EFHB: variants seen among roughly 807,000 people sequenced by gnomAD.
EFHB encodes the protein EF-hand domain-containing family member B.
In EFHB, 91 loss-of-function variants were observed where a neutral mutation model predicts 87.2. The observed-to-expected ratio is 1.04, with a 90% confidence interval of 0.88 to 1.24. The LOEUF is 1.24. Ranked by LOEUF, EFHB falls within the 50% of genes most tolerant of loss-of-function variation. The pLI, the probability that EFHB is intolerant of heterozygous loss-of-function variation, is 0.00. For missense variants in EFHB, 1,084 were observed against 998.8 expected, an observed-to-expected ratio of 1.09 and a Z score of -1.15; for synonymous variants, 325 against 333.6, an observed-to-expected ratio of 0.97 and a Z score of 0.28.
Position 19,933,529 on chromosome 3 carries a change from C to A in EFHB, c.490G>T (p.Val164Phe). ...TCCATTTCCTGTCTTGGTTCCATAA[C>A]GAAAGCAGGCTTTCCCACTAATTCC... is the stretch of plus-strand genomic sequence containing the variant. ...VEELVGKPAF[V>F]MEPRQEMEKE... Residue 164 changes from valine to phenylalanine, a missense_variant, in exon 1 of 13, where the codon GTT becomes TTT. Physicochemically the swap from Val to Phe is conservative, Grantham distance 50. Transcript: ENST00000295824. 1.2e-6 allele frequency: 2 copies of A among 1,613,998 alleles called. No individual in the cohort carries two copies. Among genetic ancestry groups the A allele is most frequent in the South Asian group, 1.1e-5 (1 of 91,088 alleles).
At chr3:19,944,106 C>T (rs533916627) in intron 1 of EFHB, among the ~76,000 whole-genome samples, 7 of 152,304 alleles carry the variant, frequency 4.6e-5, no homozygotes, top group East Asian at 3.9e-4. Flanking sequence ...CTTGCTACTA[C>T]GCCAATGTTA....
rs150245039 is a variant in EFHB at position 19,920,550 on chromosome 3, T to C, written c.807A>G (p.Pro269=). Residue 269 remains proline (P), a synonymous_variant, in exon 2 of 13, where the codon CCA becomes CCG. Transcript: ENST00000295824. ...AGCAGGTTGCAACTCTGTAACCAAC[T>C]GGAATAACTTTTCCTGCCTTTGGGG... is the stretch of plus-strand genomic sequence containing the variant. ...PCWPSAGKVI[P]VGYRVATCLT... is the part of the protein sequence containing the mutation. The C allele has an allele frequency of 5.9e-4, 946 of 1,601,766 alleles. 3 individuals carry two copies. In the African/African-American group the frequency reaches 0.011, roughly 18 times the overall value.
At chr3:19,929,467 A>G (rs1695750504) in intron 1 of EFHB, among the ~76,000 whole-genome samples, 1 of 152,004 alleles carries the variant, frequency 6.6e-6, no homozygotes, top group Non-Finnish European at 1.5e-5. Context: ...GCACTTTGGG[A>G]GGCTGAGGTG....
At chr3:19,898,448 G>C (rs1694557667) in intron 8 of EFHB, among the ~76,000 whole-genome samples, 1 of 152,110 alleles carries the variant, frequency 6.6e-6, no homozygotes, top group Non-Finnish European at 1.5e-5. Flanking sequence ...TTAGGACTAG[G>C]ACAATATCCA....
chr3:19,882,039 A>ATAAATAAATAAATAAATAAATAAT (rs1217499047), intron 12 of EFHB, among the ~76,000 whole-genome samples: 11 of 141,860 alleles, frequency 7.8e-5, no homozygotes, highest in Admixed American at 7.7e-4. Flanking sequence ...AAATAAATAA[A>ATAAATAAATAAATAAATAAATAAT]TAAATAAATA....
chr3:19,904,956 C>T (rs892196229), intron 6 of EFHB, among the ~76,000 whole-genome samples: 35 of 151,982 alleles, frequency 2.3e-4, no homozygotes, highest in African/African-American at 4.8e-4. Context: ...TAAAATATAA[C>T]GCAGGAAATG....
At chr3:19,925,077 C>T (rs1383694542) in intron 1 of EFHB, among the ~76,000 whole-genome samples, 3 of 151,788 alleles carry the variant, frequency 2.0e-5, no homozygotes, top group Non-Finnish European at 2.9e-5. Context: ...AACATCTCTA[C>T]TAAAAATACA....
At chr3:19,894,989 A>AAAAAATATATATATATATAT (rs369564576) in intron 9 of EFHB, 405 of 144,448 alleles carry the variant, frequency 2.8e-3, no homozygotes, top group African/African-American at 0.01. Flanking sequence ...TGTCTCAAAA[A>AAAAAATATATATATATATAT]ATATATATAT....
At chr3:19,923,719 G>T (rs562854200) in intron 1 of EFHB, among the ~76,000 whole-genome samples, 92 of 152,232 alleles carry the variant, frequency 6.0e-4, no homozygotes, top group Middle Eastern at 3.4e-3. Flanking sequence ...GTTTGAAAGG[G>T]AGGGGCAAAA....
intron 4 of EFHB, among the ~76,000 whole-genome samples, chr3:19,915,635 A>G (rs1029301994): frequency 6.6e-6 from 1 of 152,048 alleles, no homozygotes; most frequent in African/African-American, 2.4e-5. Flanking sequence ...CTCTATTATC[A>G]CTGGCTGGGA....
chr3:19,934,333 CCTCTTCTCTCTCCT>C (rs1179340700), upstream of EFHB: 3 of 1,086,468 alleles, frequency 2.8e-6, no homozygotes, highest in African/African-American at 4.8e-5. Context: ...CTCTCTCTCC[CCTCTTCTCTCTCCT>C]CTGTCTCTCT....
intron 1 of EFHB, 138 bp from the exon 2 acceptor site, chr3:19,920,705 T>G (rs981774956): frequency 4.9e-6 from 3 of 607,696 alleles, no homozygotes; most frequent in Non-Finnish European, 8.5e-6. Context: ...GAAGAACAAA[T>G]AGTAAATGTA....
chr3:19,923,403 T>C (rs1695507086), intron 1 of EFHB, among the ~76,000 whole-genome samples: 1 of 152,176 alleles, frequency 6.6e-6, no homozygotes, highest in Admixed American at 6.5e-5. Context: ...GTCTTCTAGG[T>C]CAGACTGCAG....
At chr3:19,908,259 G>A (rs1160200512) in intron 5 of EFHB, among the ~76,000 whole-genome samples, 3 of 152,072 alleles carry the variant, frequency 2.0e-5, no homozygotes, top group Non-Finnish European at 4.4e-5. Context: ...TCGGCTGGGC[G>A]CAGTGGCTCA....
At chr3:19,905,551 T>TA in intron 6 of EFHB, 69 bp downstream of exon 6, 1 of 1,521,180 alleles carries the variant, frequency 6.6e-7, no homozygotes, top group East Asian at 2.3e-5. Context: ...AAATAAAGTT[T>TA]AAAAATCAAC....
chr3:19,905,637 C>T lies in EFHB; in HGVS notation c.1401G>A (p.Trp467Ter), dbSNP rs754943518. The T allele has an allele frequency of 4.3e-6, 7 of 1,613,420 alleles. No individual in the cohort carries two copies. The highest frequency in any genetic ancestry group is 5.9e-6 in the Non-Finnish European group (7 of 1,179,602). The stretch of plus-strand genomic sequence containing the variant: ...AAACTTACATTTGTAGTTCATGGAG[C>T]CAATATAGAGATTTTGCCATGGCTC... ...DGRAMAKSLYWLHELQMKRGA... is the reference protein window; with the variant it reads ...DGRAMAKSLY Residue 467 changes from tryptophan to a stop codon, truncating the protein, a stop_gained, in exon 6 of 13, where the codon TGG (tryptophan) becomes TGA (stop). Coordinates refer to ENST00000295824, the MANE Select transcript of EFHB (RefSeq NM_144715.4). LOFTEE classifies it high-confidence loss of function.
chr3:19,916,906 T>C (rs1695252074), intron 4 of EFHB, among the ~76,000 whole-genome samples: 1 of 152,230 alleles, frequency 6.6e-6, no homozygotes, highest in Admixed American at 6.5e-5. Context: ...GAACTTCTTT[T>C]TGATATATGA....
chr3:19,932,454 T>G (rs748244739), intron 1 of EFHB, among the ~76,000 whole-genome samples: 3 of 152,232 alleles, frequency 2.0e-5, no homozygotes, highest in Non-Finnish European at 4.4e-5. Flanking sequence ...GCTGGCTGAA[T>G]ACAACTGTTT....
intron 8 of EFHB, 91 bp from the exon 9 acceptor site, chr3:19,896,932 CTG>C: frequency 3.4e-6 from 4 of 1,190,680 alleles, no homozygotes; most frequent in Non-Finnish European, 4.6e-6. Context: ...CTAGCAACCT[CTG>C]TGAATGAAAG....
Sources: gnomAD v4.1 joint callset for allele counts (sites outside exome capture counted in the v4.1 genomes callset) on GRCh38, gnomAD v4.1.1 for gene constraint, MANE v1.5 for transcripts, NCBI Gene and HGNC (gene_info 2026-07-23, HGNC 2026-07-21) for gene names.